Variants in NOL4 observed in about 807,000 individuals in gnomAD.
NOL4 encodes cancer/testis antigen 125.
A neutral mutation model predicts 75.9 loss-of-function variants in NOL4; 17 were observed. The ratio of observed to expected loss-of-function variants is 0.22; its 90% CI spans 0.15 to 0.34. The LOEUF is 0.34. Among genes scored for constraint, NOL4 ranks in the 10% least tolerant of loss-of-function variants. NOL4 has a pLI of 1.00. For missense variants in NOL4, 614 were observed against 793.5 expected (o/e 0.77, Z 2.72); for synonymous variants, 292 against 289.9 (o/e 1.01, Z -0.07).
At chr18:34,057,397 C>T (rs2076875638) in intron 5 of NOL4, among the ~76,000 whole-genome samples, 1 of 152,106 alleles carries the variant, frequency 6.6e-6, no homozygotes, top group Non-Finnish European at 1.5e-5. Flanking sequence ...ACATTGGGCT[C>T]CTAAGGTTAA....
At chr18:34,087,861 G>T (rs970677179) in intron 5 of NOL4, among the ~76,000 whole-genome samples, 1 of 151,866 alleles carries the variant, frequency 6.6e-6, no homozygotes, top group East Asian at 1.9e-4. Context: ...AGGCCAAAAG[G>T]CTCAAAGGAC....
chr18:34,160,403 A>G (rs887961063), intron 1 of NOL4, among the ~76,000 whole-genome samples: 5 of 152,138 alleles, frequency 3.3e-5, no homozygotes, highest in Non-Finnish European at 5.9e-5. Context: ...ATTAAAAAAT[A>G]TTGTAAGTAA....
intron 5 of NOL4, among the ~76,000 whole-genome samples, chr18:34,034,172 C>A (rs78725837): frequency 0.03 from 4,605 of 152,050 alleles, 230 homozygotes; most frequent in African/African-American, 0.11. Flanking sequence ...CTACAGAAAA[C>A]CACCAAACCA....
chr18:34,147,617 C>T (rs966698660), intron 1 of NOL4, among the ~76,000 whole-genome samples: 1 of 152,040 alleles, frequency 6.6e-6, no homozygotes, highest in African/African-American at 2.4e-5. Context: ...ATTTGGTTTG[C>T]CAGTATTTTA....
chr18:33,977,965 G>A (rs1017639589), intron 6 of NOL4, among the ~76,000 whole-genome samples: 1 of 152,132 alleles, frequency 6.6e-6, no homozygotes, highest in African/African-American at 2.4e-5. Context: ...GAGAAGGAAA[G>A]AAGAATCATG....
Position 34,199,978 on chromosome 18 carries a change from T to G in NOL4, c.264+23012A>C, listed in dbSNP as rs553489113. On this transcript the variant is annotated intron_variant, in intron 1 of 10. Transcript: ENST00000261592. ...AGAGCAGCAGCATCTTAAGCTGGGATATATACATAATTCCTTTTATACAAT... is the reference window on the plus strand; with the variant it reads ...AGAGCAGCAGCATCTTAAGCTGGGAGATATACATAATTCCTTTTATACAAT... Among the ~76,000 whole-genome samples, 22 of 152,008 alleles carry G rather than the reference T, an allele frequency of 1.4e-4. No homozygotes were observed. In the South Asian group the frequency reaches 4.6e-3, roughly 31 times the overall value.
chr18:34,217,348 G>A (rs76996250), intron 1 of NOL4, among the ~76,000 whole-genome samples: 24 of 151,306 alleles, frequency 1.6e-4, no homozygotes, highest in Admixed American at 4.6e-4. Flanking sequence ...GCAATGGTGC[G>A]ATCTCGGCTC....
chr18:34,221,850 T>C (rs2037330717), intron 1 of NOL4, among the ~76,000 whole-genome samples: 1 of 152,188 alleles, frequency 6.6e-6, no homozygotes, highest in African/African-American at 2.4e-5. Context: ...AGAGATAGAA[T>C]AGCTTTCAAA....
intron 1 of NOL4, among the ~76,000 whole-genome samples, chr18:34,140,297 T>C (rs1486840250): frequency 6.6e-6 from 1 of 152,178 alleles, no homozygotes; most frequent in African/African-American, 2.4e-5. Flanking sequence ...TCTCCAACTA[T>C]TATTGTGTGG....
intron 9 of NOL4, among the ~76,000 whole-genome samples, chr18:33,936,666 GA>G (rs2145485774): frequency 6.6e-6 from 1 of 152,160 alleles, no homozygotes; most frequent in African/African-American, 2.4e-5. Flanking sequence ...TCCTGCTGGG[GA>G]AGCCCTTAAC....
At chr18:34,080,663 C>A (rs2077968062) in intron 5 of NOL4, among the ~76,000 whole-genome samples, 1 of 152,112 alleles carries the variant, frequency 6.6e-6, no homozygotes, top group Admixed American at 6.6e-5. Flanking sequence ...AAGAGATGGG[C>A]TCTTGCTACA....
intron 5 of NOL4, among the ~76,000 whole-genome samples, chr18:34,091,313 A>T (rs1458679895): frequency 2.0e-5 from 3 of 152,134 alleles, no homozygotes; most frequent in African/African-American, 7.2e-5. Context: ...CAATGAGCCA[A>T]GATCACTCCA....
intron 5 of NOL4, among the ~76,000 whole-genome samples, chr18:34,052,652 G>A (rs1002602972): frequency 6.6e-6 from 1 of 152,032 alleles, no homozygotes; most frequent in Non-Finnish European, 1.5e-5. Context: ...AAATAAGATA[G>A]TATTTAATTT....
chr18:33,883,486 G>A, intron 9 of NOL4, 62 bp from the exon 10 acceptor site: 1 of 1,349,006 alleles, frequency 7.4e-7, no homozygotes. Context: ...CCTTGAACAG[G>A]ACTACCTTAT....
chr18:33,927,848 A>C (rs1198615438), intron 9 of NOL4, among the ~76,000 whole-genome samples: 1 of 152,136 alleles, frequency 6.6e-6, no homozygotes, highest in African/African-American at 2.4e-5. Flanking sequence ...CGAGGCCACA[A>C]GTCTCACCAT....
chr18:34,087,048 C>T (rs751570227), intron 5 of NOL4, among the ~76,000 whole-genome samples: 3 of 152,100 alleles, frequency 2.0e-5, no homozygotes, highest in Non-Finnish European at 4.4e-5. Flanking sequence ...CCCCTTTAGA[C>T]CTATTGCCAT....
chr18:34,202,859 G>T (rs984224986), intron 1 of NOL4, among the ~76,000 whole-genome samples: 4 of 151,906 alleles, frequency 2.6e-5, no homozygotes, highest in Non-Finnish European at 5.9e-5. Flanking sequence ...AAAGTAAAAT[G>T]GTACAGACAC....
At chr18:33,855,185 AG>A (rs922985066) in intron 10 of NOL4, among the ~76,000 whole-genome samples, 18 of 152,158 alleles carry the variant, frequency 1.2e-4, no homozygotes, top group African/African-American at 4.3e-4. Context: ...GGGTTGAGCA[AG>A]GAATCAAGCT....
intron 1 of NOL4, among the ~76,000 whole-genome samples, chr18:34,168,770 A>G (rs2032707787): frequency 6.6e-6 from 1 of 151,854 alleles, no homozygotes. Context: ...TTTCAAATTT[A>G]AACGGAAACT....
Sources: allele counts gnomAD v4.1 joint callset (sites outside exome capture counted in the v4.1 genomes callset), GRCh38; gene constraint gnomAD v4.1.1; transcripts MANE v1.5; gene names NCBI Gene and HGNC (gene_info 2026-07-23, HGNC 2026-07-21).